LRRIQ1: variants seen among roughly 807,000 people sequenced by gnomAD.
LRRIQ1 encodes the protein leucine rich repeats and IQ motif containing 1, also known as leucine-rich repeat- and IQ domain-containing protein 1.
Under a neutral mutation model 211.9 loss-of-function variants are expected in LRRIQ1, and 210 were observed. The observed-to-expected ratio is 0.99, with a 90% CI of 0.89 to 1.11. LRRIQ1 has a LOEUF of 1.11. Ranked by LOEUF, LRRIQ1 falls within the 50% of genes most tolerant of loss-of-function variation. LRRIQ1 has a pLI of 0.00. For missense variants in LRRIQ1, 2,136 were observed against 1,939.5 expected, an observed-to-expected ratio of 1.10 and a Z score of -1.90; for synonymous variants, 699 against 650.1, an observed-to-expected ratio of 1.08 and a Z score of -1.14.
intron 11 of LRRIQ1, among the ~76,000 whole-genome samples, chr12:85,080,838 C>G (rs1359675174): frequency 6.6e-6 from 1 of 150,958 alleles, no homozygotes; most frequent in Non-Finnish European, 1.5e-5. Flanking sequence ...TGTTGTTTTT[C>G]TTTATTTTTG....
intron 24 of LRRIQ1, among the ~76,000 whole-genome samples, chr12:85,201,237 T>A (rs1893275960): frequency 6.6e-6 from 1 of 151,142 alleles, no homozygotes; most frequent in South Asian, 2.1e-4. Flanking sequence ...TTTCTTTCTT[T>A]CTCTTCTTTT....
chr12:85,202,166 G>T (rs1375317781), intron 24 of LRRIQ1, among the ~76,000 whole-genome samples: 1 of 151,790 alleles, frequency 6.6e-6, no homozygotes, highest in Non-Finnish European at 1.5e-5. Context: ...TTCAGTTGTT[G>T]TTGTTGTTGT....
At chr12:85,051,726 T>C (rs1232249845) in intron 6 of LRRIQ1, among the ~76,000 whole-genome samples, 2 of 152,198 alleles carry the variant, frequency 1.3e-5, no homozygotes, top group African/African-American at 2.4e-5. Context: ...TACTGATCTG[T>C]TTATTCTGAG....
intron 18 of LRRIQ1, among the ~76,000 whole-genome samples, chr12:85,131,421 T>C (rs1888753551): frequency 6.6e-6 from 1 of 152,022 alleles, no homozygotes; most frequent in Non-Finnish European, 1.5e-5. Context: ...TAAACTCTTG[T>C]TTTTGGATTA....
chr12:85,039,348 A>G (rs939635509), intron 2 of LRRIQ1, among the ~76,000 whole-genome samples: 12 of 151,682 alleles, frequency 7.9e-5, no homozygotes, highest in African/African-American at 2.6e-4. Flanking sequence ...ATTATGAACT[A>G]TATTTCCCAA....
At chr12:85,214,313 A>G (rs987503295) in intron 24 of LRRIQ1, among the ~76,000 whole-genome samples, 6 of 152,140 alleles carry the variant, frequency 3.9e-5, no homozygotes, top group African/African-American at 1.4e-4. Context: ...TACAATCTCA[A>G]TTAAATCCCA....
chr12:85,110,874 C>G (rs969261839), intron 15 of LRRIQ1, among the ~76,000 whole-genome samples: 1 of 152,006 alleles, frequency 6.6e-6, no homozygotes, highest in Non-Finnish European at 1.5e-5. Context: ...CAAGTACTTA[C>G]AGTGGTCAGA....
chr12:85,192,555 A>G (rs1373375039), intron 24 of LRRIQ1, among the ~76,000 whole-genome samples: 1 of 120,354 alleles, frequency 8.3e-6, no homozygotes, highest in Non-Finnish European at 1.6e-5. Flanking sequence ...ATATAGTTAT[A>G]TAATATAATT....
At chr12:85,192,975 A>G (rs1430396876) in intron 24 of LRRIQ1, among the ~76,000 whole-genome samples, 2 of 91,836 alleles carry the variant, frequency 2.2e-5, no homozygotes, top group African/African-American at 4.7e-5. Context: ...AATTATATAT[A>G]AATATATAAT....
At chr12:85,257,050 A>ATATATAAT (rs1252642343) in intron 1 of LRRIQ1, among the ~76,000 whole-genome samples, 1 of 116,026 alleles carries the variant, frequency 8.6e-6, no homozygotes, top group Non-Finnish European at 1.7e-5. Flanking sequence ...ATATAATTAT[A>ATATATAAT]TATATAATTA....
In LRRIQ1 at chr12:85,228,502, A is replaced by G. The variant is rs1410331959; in HGVS notation, c.4823-1015A>G. On this transcript the variant is annotated intron_variant, in intron 24 of 26. Transcript: ENST00000393217. ...AGAAGCAATAGGAACTTTACTAAGT[A>G]ACAGAGTTTTAGATACCCAAAGCAT... is the stretch of plus-strand genomic sequence containing the variant. Among the ~76,000 whole-genome samples the G allele has an allele frequency of 8.5e-5, 13 of 152,332 alleles. 1 individual carries two copies. In the South Asian group the frequency reaches 2.7e-3, roughly 32 times the overall value.
downstream of LRRIQ1, among the ~76,000 whole-genome samples, chr12:85,247,427 C>G (rs976565743): frequency 4.6e-5 from 7 of 151,540 alleles, no homozygotes; most frequent in South Asian, 1.5e-3. Flanking sequence ...TTGAACTTTT[C>G]TAGATATTTC....
chr12:85,119,434 A>G (rs944629787), intron 15 of LRRIQ1, among the ~76,000 whole-genome samples: 2 of 152,138 alleles, frequency 1.3e-5, no homozygotes, highest in Admixed American at 1.3e-4. Flanking sequence ...GGTTGCTTCC[A>G]AGTTTTGGCG....
intron 24 of LRRIQ1, among the ~76,000 whole-genome samples, chr12:85,220,759 G>T (rs1477060138): frequency 6.7e-6 from 1 of 150,044 alleles, no homozygotes; most frequent in Non-Finnish European, 1.5e-5. Context: ...TCGTCATTTA[G>T]CATTAGGTAT....
chr12:85,038,068 T>G, intron 1 of LRRIQ1, 85 bp from the exon 2 acceptor site: 5 of 905,684 alleles, frequency 5.5e-6, no homozygotes, highest in Non-Finnish European at 7.5e-6. Flanking sequence ...TAAAACATAT[T>G]TAAATAAATA....
intron 25 of LRRIQ1, among the ~76,000 whole-genome samples, chr12:85,232,365 C>G (rs1056106821): frequency 6.6e-6 from 1 of 151,968 alleles, no homozygotes; most frequent in Non-Finnish European, 1.5e-5. Context: ...AACATGTAAG[C>G]AAATACAAAT....
intron 23 of LRRIQ1, among the ~76,000 whole-genome samples, chr12:85,156,110 A>G (rs984069449): frequency 2.6e-5 from 4 of 151,728 alleles, no homozygotes; most frequent in African/African-American, 4.8e-5. Context: ...ATTTATGGGG[A>G]CTGTTACTCC....
At chr12:85,200,989 T>C (rs1893261607) in intron 24 of LRRIQ1, among the ~76,000 whole-genome samples, 1 of 131,628 alleles carries the variant, frequency 7.6e-6, no homozygotes, top group Non-Finnish European at 1.5e-5. Context: ...CTGGCTAATT[T>C]TTCTTTTTTT....
At chr12:85,202,761 T>TG (rs1343990754) in intron 24 of LRRIQ1, among the ~76,000 whole-genome samples, 9 of 152,186 alleles carry the variant, frequency 5.9e-5, no homozygotes, top group African/African-American at 1.2e-4. Flanking sequence ...GCCATTTGAT[T>TG]GGGGCATTTA....
Sources: allele counts gnomAD v4.1 joint callset (sites outside exome capture counted in the v4.1 genomes callset), GRCh38; gene constraint gnomAD v4.1.1; transcripts MANE v1.5; gene names NCBI Gene and HGNC (gene_info 2026-07-23, HGNC 2026-07-21).